PPM1H: variants seen among roughly 807,000 people sequenced by gnomAD.
PPM1H encodes the protein protein phosphatase, Mg2+/Mn2+ dependent 1H.
A neutral mutation model predicts 54.9 loss-of-function variants in PPM1H; 27 were observed. That is an observed-to-expected ratio of 0.49 (90% CI 0.36 to 0.68). The LOEUF (loss-of-function observed/expected upper bound fraction) is 0.68, where lower values mean the gene tolerates loss of function less well. PPM1H is among the 30% of genes least tolerant of loss of function. PPM1H has a pLI of 0.00. For synonymous variants in PPM1H, 305 were observed against 270.8 expected (o/e 1.13, Z -1.24); for missense variants, 596 against 667.8 (o/e 0.89, Z 1.19).
intron 4 of PPM1H, among the ~76,000 whole-genome samples, chr12:62,738,341 G>C (rs1290532935): frequency 1.3e-5 from 2 of 151,972 alleles, no homozygotes; most frequent in African/African-American, 2.4e-5. Flanking sequence ...TGAATTTCTA[G>C]GGTGATATCC....
At chr12:62,794,029 G>T (rs181688868) in intron 3 of PPM1H, among the ~76,000 whole-genome samples, 6 of 152,306 alleles carry the variant, frequency 3.9e-5, no homozygotes, top group Non-Finnish European at 4.4e-5. Context: ...TGCTAATAGT[G>T]TCAGTCACAA....
chr12:62,866,159 CTCT>C lies in PPM1H; in HGVS notation c.246-33883_246-33881del, dbSNP rs1869768756. ...ACTTGTGTCAAGCTGTTTTTTTACT[CTCT>C]TCTTCCTGTGTCCCTTGATCTCAGC... is the stretch of plus-strand genomic sequence containing the variant. On this transcript the variant is annotated intron_variant, in intron 1 of 9. Transcript: ENST00000228705. Among the ~76,000 whole-genome samples, 3 of 152,244 alleles carry C rather than the reference CTCT, an allele frequency of 2.0e-5. No individual in the cohort carries two copies. In the East Asian group the frequency reaches 5.8e-4, roughly 29 times the overall value.
In PPM1H at chr12:62,897,038, G is replaced by A. The variant is rs775871980; in HGVS notation, c.245+37454C>T. Among the ~76,000 whole-genome samples the A allele has an allele frequency of 2.8e-5, 4 of 143,920 alleles. No individual in the cohort carries two copies. In the Middle Eastern group the frequency reaches 0.012, roughly 415 times the overall value. 94.4% of individuals were successfully genotyped at this position (143,920 alleles called of 152,430 possible). A position where few individuals can be genotyped will look rare whatever the true frequency, so the allele number is the denominator to read the frequency against. ...TATCACATATTCTCACTCGCAGGTG[G>A]GAATTGAACAATGAGAACACTTGGA... On this transcript the variant is annotated intron_variant, in intron 1 of 9. Transcript: ENST00000228705.
intron 8 of PPM1H, among the ~76,000 whole-genome samples, chr12:62,683,075 A>ATTATTATTG (rs1555188748): frequency 1.4e-4 from 17 of 118,394 alleles, no homozygotes; most frequent in Non-Finnish European, 2.1e-4. Context: ...TATTATTATT[A>ATTATTATTG]TTATTATTAT....
intron 4 of PPM1H, among the ~76,000 whole-genome samples, chr12:62,760,916 G>C (rs12424525): frequency 0.078 from 11,896 of 152,242 alleles, 627 homozygotes; most frequent in East Asian, 0.21. Context: ...TCTGCTCCGG[G>C]AAAAACCTTA....
chr12:62,839,523 C>T (rs749744376), intron 1 of PPM1H, among the ~76,000 whole-genome samples: 12 of 152,040 alleles, frequency 7.9e-5, no homozygotes, highest in Non-Finnish European at 1.5e-4. Flanking sequence ...GGCTGACTCC[C>T]GCGAGATAGG....
intron 5 of PPM1H, among the ~76,000 whole-genome samples, chr12:62,736,480 T>G (rs987172272): frequency 2.6e-5 from 4 of 152,236 alleles, no homozygotes; most frequent in African/African-American, 9.6e-5. Flanking sequence ...GTACTGTTTT[T>G]ACAGTCATTT....
intron 4 of PPM1H, among the ~76,000 whole-genome samples, chr12:62,771,084 AC>A (rs1327026582): frequency 2.8e-4 from 41 of 148,172 alleles, no homozygotes; most frequent in Admixed American, 5.4e-4. Flanking sequence ...ACACACACAC[AC>A]ACAACTGTGT....
chr12:62,713,716 C>T (rs1176853241), intron 6 of PPM1H, among the ~76,000 whole-genome samples: 1 of 152,146 alleles, frequency 6.6e-6, no homozygotes, highest in Admixed American at 6.5e-5. Flanking sequence ...TCCCTGTAAT[C>T]CCAGCGCTTT....
intron 1 of PPM1H, among the ~76,000 whole-genome samples, chr12:62,837,055 G>A (rs895145953): frequency 2.6e-5 from 4 of 152,156 alleles, no homozygotes; most frequent in Non-Finnish European, 4.4e-5. Flanking sequence ...CTACTTAAAA[G>A]GAGCAAATGA....
intron 4 of PPM1H, among the ~76,000 whole-genome samples, chr12:62,780,344 C>T (rs2076634601): frequency 6.6e-6 from 1 of 152,202 alleles, no homozygotes; most frequent in Non-Finnish European, 1.5e-5. Context: ...CTCTGTCACC[C>T]AGGCTAGAAT....
intron 1 of PPM1H, among the ~76,000 whole-genome samples, chr12:62,932,679 G>C (rs550587976): frequency 5.2e-5 from 6 of 116,202 alleles, no homozygotes; most frequent in Non-Finnish European, 9.8e-5. Context: ...TTGTTGCCCA[G>C]GCTGGAGTGC....
chr12:62,895,457 A>ACAG (rs1565822571), intron 1 of PPM1H, among the ~76,000 whole-genome samples: 1 of 152,146 alleles, frequency 6.6e-6, no homozygotes, highest in Non-Finnish European at 1.5e-5. Context: ...GCTTAGACCA[A>ACAG]CAGCAGCAGC....
At chr12:62,661,229 T>G (rs576942622) in intron 9 of PPM1H, among the ~76,000 whole-genome samples, 15 of 152,330 alleles carry the variant, frequency 9.8e-5, no homozygotes, top group African/African-American at 3.4e-4. Context: ...TTAATGCTGC[T>G]GTAATCCCTC....
At chr12:62,914,753 C>T (rs1223486984) in intron 1 of PPM1H, among the ~76,000 whole-genome samples, 2 of 152,180 alleles carry the variant, frequency 1.3e-5, no homozygotes, top group Admixed American at 6.5e-5. Context: ...CTGGCCAGAA[C>T]GAGTCACATG....
At chr12:62,886,410 C>G (rs1302945663) in intron 1 of PPM1H, among the ~76,000 whole-genome samples, 1 of 152,142 alleles carries the variant, frequency 6.6e-6, no homozygotes, top group African/African-American at 2.4e-5. Context: ...TCTCATATAA[C>G]TGGATTATCC....
intron 4 of PPM1H, chr12:62,755,125 A>C: frequency 2.5e-6 from 1 of 404,550 alleles, no homozygotes. Context: ...TCTTAATCTT[A>C]TTTGTATATT....
intron 4 of PPM1H, among the ~76,000 whole-genome samples, chr12:62,782,562 A>C (rs960822956): frequency 6.6e-6 from 1 of 152,184 alleles, no homozygotes; most frequent in East Asian, 1.9e-4. Flanking sequence ...ATGGAATGCT[A>C]TTCACTCCGG....
chr12:62,648,495 C>A lies in PPM1H; in HGVS notation c.1539G>T (p.Leu513=), dbSNP rs377235752. The stretch of plus-strand genomic sequence containing the variant: ...CCAATCCCCTGGGCCATTTTCATGA[C>A]AGCTTGTTTCCATGTATTAAAGGAA... ...YVIPLIHGNK[L]S is the part of the protein sequence containing the mutation. Residue 513 remains leucine (L), a synonymous_variant, in exon 10 of 10, where the codon CTG becomes CTT. Coordinates refer to ENST00000228705, the MANE Select transcript of PPM1H (RefSeq NM_020700.2). 3.1e-6 allele frequency: 5 copies of A among 1,613,822 alleles called. No homozygotes were observed. The African/African-American group carries it at 6.7e-5, about 22-fold the overall frequency.
Sources: gnomAD v4.1 joint callset for allele counts (sites outside exome capture counted in the v4.1 genomes callset) on GRCh38, gnomAD v4.1.1 for gene constraint, MANE v1.5 for transcripts, NCBI Gene and HGNC (gene_info 2026-07-23, HGNC 2026-07-21) for gene names.